The following CNTNAP2 variants were observed in gnomAD, a reference collection of about 807,000 sequenced individuals.
CNTNAP2 encodes contactin-associated protein-like 2.
CNTNAP2 carries 98 observed loss-of-function variants against 155.2 expected under a neutral mutation model. The ratio of observed to expected loss-of-function variants is 0.63; its 90% CI spans 0.54 to 0.75. The LOEUF (loss-of-function observed/expected upper bound fraction) is 0.75, where lower values mean the gene tolerates loss of function less well. CNTNAP2 is among the 30% of genes least tolerant of loss of function. The probability of loss-of-function intolerance (pLI) is 0.00; values close to 1 mark genes in which losing one functional copy is unlikely to be tolerated. For missense variants in CNTNAP2, 1,727 were observed against 1,688.1 expected (o/e 1.02, Z -0.40); for synonymous variants, 651 against 631.2 (o/e 1.03, Z -0.47).
At chr7:146,619,946 A>G (rs1799290125) in intron 1 of CNTNAP2, among the ~76,000 whole-genome samples, 1 of 152,234 alleles carries the variant, frequency 6.6e-6, no homozygotes, top group Non-Finnish European at 1.5e-5. Context: ...AAGATGTATA[A>G]AAATAAAACT....
intron 1 of CNTNAP2, among the ~76,000 whole-genome samples, chr7:146,622,813 C>T (rs544946660): frequency 1.1e-4 from 17 of 151,840 alleles, no homozygotes; most frequent in South Asian, 6.2e-4. Flanking sequence ...AAAAATTAGC[C>T]GGGCATGGTG....
intron 3 of CNTNAP2, among the ~76,000 whole-genome samples, chr7:146,961,900 G>A (rs1158355098): frequency 6.6e-6 from 1 of 152,108 alleles, no homozygotes; most frequent in Non-Finnish European, 1.5e-5. Flanking sequence ...TACGGTCTCT[G>A]AATGTGCTAC....
intron 9 of CNTNAP2, among the ~76,000 whole-genome samples, chr7:147,341,988 T>G (rs1398658651): frequency 6.6e-6 from 1 of 152,142 alleles, no homozygotes; most frequent in Non-Finnish European, 1.5e-5. Context: ...AGGCTATAAC[T>G]TCAAAATCAG....
intron 11 of CNTNAP2, among the ~76,000 whole-genome samples, chr7:147,498,951 A>C (rs916492311): frequency 1.3e-5 from 2 of 152,058 alleles, no homozygotes; most frequent in Non-Finnish European, 2.9e-5. Flanking sequence ...TGGTAATAAA[A>C]AAAAAATTAA....
intron 8 of CNTNAP2, among the ~76,000 whole-genome samples, chr7:147,208,315 T>C (rs1803062727): frequency 6.6e-6 from 1 of 152,098 alleles, no homozygotes; most frequent in Non-Finnish European, 1.5e-5. Flanking sequence ...TTTGTTTTGA[T>C]TTAATGTCTA....
At chr7:147,635,421 G>A (rs915740453) in intron 12 of CNTNAP2, among the ~76,000 whole-genome samples, 1 of 151,858 alleles carries the variant, frequency 6.6e-6, no homozygotes, top group African/African-American at 2.4e-5. Context: ...ACCACACCCT[G>A]CCCAAGCTCC....
At chr7:147,980,126 T>A (rs1801496908) in intron 15 of CNTNAP2, among the ~76,000 whole-genome samples, 1 of 152,198 alleles carries the variant, frequency 6.6e-6, no homozygotes, top group Non-Finnish European at 1.5e-5. Flanking sequence ...GTTCAAACCA[T>A]GTTATGTGAA....
rs533111685 is a variant in CNTNAP2 at position 147,569,241 on chromosome 7, C to A, written c.1897+6984C>A. Reference sequence around the variant, plus strand: ...AAGCGCTTGCACTCAGTATTAGTATCGTATTTAGTATTATGTTTCTCACAA... The same window carrying A: ...AAGCGCTTGCACTCAGTATTAGTATAGTATTTAGTATTATGTTTCTCACAA... On this transcript the variant is annotated intron_variant, in intron 12 of 23. Coordinates refer to ENST00000361727, the MANE Select transcript of CNTNAP2 (RefSeq NM_014141.6). Among the ~76,000 whole-genome samples, 4 of 152,226 alleles carry A rather than the reference C, an allele frequency of 2.6e-5. No homozygotes were observed. In the South Asian group the frequency reaches 8.3e-4, roughly 32 times the overall value.
intron 10 of CNTNAP2, among the ~76,000 whole-genome samples, chr7:147,481,535 A>G (rs1043467176): frequency 2.6e-5 from 4 of 152,218 alleles, no homozygotes; most frequent in Admixed American, 6.5e-5. Context: ...TGCTTTAAGT[A>G]ATTGCAGCCC....
intron 15 of CNTNAP2, among the ~76,000 whole-genome samples, chr7:148,094,988 A>C (rs993411010): frequency 1.3e-5 from 2 of 152,218 alleles, no homozygotes; most frequent in African/African-American, 4.8e-5. Context: ...AATAAGAGGC[A>C]GTGGAACCAA....
intron 20 of CNTNAP2, among the ~76,000 whole-genome samples, chr7:148,252,702 C>G (rs118159257): frequency 1.3e-5 from 2 of 152,148 alleles, no homozygotes; most frequent in African/African-American, 4.8e-5. Context: ...TAGCCCTTCA[C>G]GCCAGGCAGT....
At chr7:147,643,787 T>C (rs2116931394) in intron 13 of CNTNAP2, among the ~76,000 whole-genome samples, 1 of 152,342 alleles carries the variant, frequency 6.6e-6, no homozygotes, top group Non-Finnish European at 1.5e-5. Context: ...TTTGGGGCTC[T>C]ATAGTTTCTA....
chr7:146,774,807 T>C (rs767522039), intron 2 of CNTNAP2, among the ~76,000 whole-genome samples: 3 of 152,180 alleles, frequency 2.0e-5, no homozygotes, highest in Non-Finnish European at 4.4e-5. Context: ...AAAATGCAAA[T>C]GCCCCTTGTA....
intron 1 of CNTNAP2, among the ~76,000 whole-genome samples, chr7:146,477,821 A>T (rs1021605001): frequency 6.6e-6 from 1 of 152,204 alleles, no homozygotes; most frequent in Non-Finnish European, 1.5e-5. Flanking sequence ...TACCTAAATT[A>T]GATGGTCAGT....
chr7:147,791,295 C>A (rs1209739713), intron 13 of CNTNAP2, among the ~76,000 whole-genome samples: 1 of 152,060 alleles, frequency 6.6e-6, no homozygotes, highest in African/African-American at 2.4e-5. Flanking sequence ...TTTCAACTAC[C>A]TCCATTGTCC....
At chr7:147,181,124 A>T (rs1802448360) in intron 8 of CNTNAP2, among the ~76,000 whole-genome samples, 1 of 152,226 alleles carries the variant, frequency 6.6e-6, no homozygotes, top group African/African-American at 2.4e-5. Flanking sequence ...AGTCACTATA[A>T]GCCAAGAAGC....
intron 3 of CNTNAP2, among the ~76,000 whole-genome samples, chr7:147,027,382 C>T (rs1798943482): frequency 1.3e-5 from 2 of 152,254 alleles, no homozygotes; most frequent in South Asian, 4.1e-4. Context: ...CTAAAAGCCA[C>T]CTAATGTTTG....
At position 148,217,300 on chromosome 7, in the gene CNTNAP2, TTTTTG is replaced by T. The variant is rs764450261; in HGVS notation, c.3024_3028del (p.Phe1008LeufsTer9). On this transcript the variant is annotated frameshift_variant, in exon 19 of 24. Coordinates refer to ENST00000361727, the MANE Select transcript of CNTNAP2 (RefSeq NM_014141.6). LOFTEE classifies it high-confidence loss of function. ...TCCTTTATAACAGATGTTGGTGCAT[TTTTTG>T]AAGAAGGGATGTGGCTACGATATAA... 1 of 1,614,050 alleles carries T rather than the reference TTTTTG, an allele frequency of 6.2e-7. No individual in the cohort carries two copies. Among genetic ancestry groups the T allele is most frequent in the Non-Finnish European group, 8.5e-7 (1 of 1,180,002 alleles).
chr7:146,314,623 G>A (rs1312885305), intron 1 of CNTNAP2, among the ~76,000 whole-genome samples: 1 of 152,084 alleles, frequency 6.6e-6, no homozygotes, highest in Admixed American at 6.5e-5. Flanking sequence ...CAGGAGCGTG[G>A]AGTTCTGTCA....
Sources: allele counts gnomAD v4.1 joint callset (sites outside exome capture counted in the v4.1 genomes callset), GRCh38; gene constraint gnomAD v4.1.1; transcripts MANE v1.5; gene names NCBI Gene and HGNC (gene_info 2026-07-23, HGNC 2026-07-21).